TEAD3: variants seen among roughly 807,000 people sequenced by gnomAD.
TEAD3 encodes TEA domain transcription factor 3.
TEAD3 carries 15 observed loss-of-function variants against 55.6 expected under a neutral mutation model. The observed-to-expected ratio is 0.27, with a 90% CI of 0.18 to 0.42. The LOEUF is 0.42. Among genes scored for constraint, TEAD3 ranks in the 10% least tolerant of loss-of-function variants. The probability of loss-of-function intolerance (pLI) is 1.00; values close to 1 mark genes in which losing one functional copy is unlikely to be tolerated. For synonymous variants in TEAD3, 210 were observed against 232.2 expected (o/e 0.90, Z 0.87); for missense variants, 407 against 576.8 (o/e 0.71, Z 3.01).
chr6:35,483,225 G>T lies in TEAD3; in HGVS notation c.267+1335C>A, dbSNP rs900247662. On this transcript the variant is annotated intron_variant, in intron 3 of 12. Coordinates refer to ENST00000639578, the Ensembl canonical transcript of TEAD3. The surrounding 1 kb of genome is among the most constrained non-coding windows in gnomAD (Gnocchi z 4.5). ...TAAATGCTTGAATGAATGAGGGATC[G>T]TTGCCACCCCTACACTGGGTAGGGA... is the stretch of plus-strand genomic sequence containing the variant. 2.6e-5 allele frequency among the ~76,000 whole-genome samples: 4 copies of T among 152,152 alleles called. No individual in the cohort carries two copies. Among genetic ancestry groups the T allele is most frequent in the African/African-American group, 9.7e-5 (4 of 41,424 alleles).
rs559609748 is a variant in TEAD3 at position 35,484,903 on chromosome 6, G to C, written c.203-279C>G. On this transcript the variant is annotated intron_variant, in intron 2 of 12. Coordinates refer to ENST00000639578, the Ensembl canonical transcript of TEAD3. This position sits in a 1 kb window ranked among gnomAD's most constrained non-coding sequence, Gnocchi z 5.8. ...AGGAAGGAGGGCCGAGCAGCACTAG[G>C]CACCCTGACAGGCTTCCCTGCAGAC... is the stretch of plus-strand genomic sequence containing the variant. Among the ~76,000 whole-genome samples, 1 of 152,310 alleles carries C rather than the reference G, an allele frequency of 6.6e-6. No individual in the cohort carries two copies. Among genetic ancestry groups the C allele is most frequent in the Admixed American group, 6.5e-5 (1 of 15,302 alleles).
Position 35,486,420 on chromosome 6 carries a change from G to A in TEAD3, c.202+41C>T. On this transcript the variant is annotated intron_variant, in intron 2 of 12. Coordinates refer to ENST00000639578, the Ensembl canonical transcript of TEAD3. The surrounding 1 kb of genome is among the most constrained non-coding windows in gnomAD (Gnocchi z 7.3). ...GGTTGGGTGAGAGGGCAGAGAGCAGGGGGAAGGGCCGCAGTCCCGCCCGCG... is the reference window on the plus strand; with the variant it reads ...GGTTGGGTGAGAGGGCAGAGAGCAGAGGGAAGGGCCGCAGTCCCGCCCGCG... The A allele has an allele frequency of 1.9e-6, 3 of 1,582,468 alleles. No individual in the cohort carries two copies. The highest frequency in any genetic ancestry group is 2.6e-6 in the Non-Finnish European group (3 of 1,160,936).
In TEAD3 at chr6:35,486,802, C is replaced by T; in HGVS notation, c.-49-91G>A. On this transcript the variant is annotated intron_variant, in intron 1 of 12. Coordinates refer to ENST00000639578, the Ensembl canonical transcript of TEAD3. This position sits in a 1 kb window ranked among gnomAD's most constrained non-coding sequence, Gnocchi z 7.3. ...CAGCCGCTGGCTCTGGAGCTCCGCC[C>T]CCAGCCCCAAGCCCACCCTAGGAGC... 1 of 919,338 alleles carries T rather than the reference C, an allele frequency of 1.1e-6. No individual in the cohort carries two copies. Among genetic ancestry groups the T allele is most frequent in the East Asian group, 2.7e-5 (1 of 37,622 alleles). The allele number at this position is 919,338 out of a possible 1,614,324, so 56.9% of individuals were successfully genotyped here.
intron 1 of TEAD3, among the ~76,000 whole-genome samples, chr6:35,489,767 T>TG (rs1410576554): frequency 6.6e-6 from 1 of 151,754 alleles, no homozygotes; most frequent in African/African-American, 2.4e-5. Flanking sequence ...TAAGGAAATG[T>TG]GGGGGGTGGT....
rs541877191 is a variant in TEAD3, at chr6:35,479,427, C to T, written c.331-111G>A. 6.4e-5 allele frequency: 89 copies of T among 1,393,530 alleles called. No individual in the cohort carries two copies. In the East Asian group the frequency reaches 9.5e-4, roughly 15 times the overall value. The allele number at this position is 1,393,530 out of a possible 1,614,324, so 86.3% of individuals were successfully genotyped here. On this transcript the variant is annotated intron_variant, in intron 4 of 12. Transcript: ENST00000639578. ...CCCAGTGCCCATGGGTTTTAGCTTCCGAGGAGCCCAAGGAAGCTCAGCAGA... is the reference window on the plus strand; with the variant it reads ...CCCAGTGCCCATGGGTTTTAGCTTCTGAGGAGCCCAAGGAAGCTCAGCAGA...
chr6:35,477,330 G>A (rs1768170053), exon 8 of TEAD3: 1 of 1,606,610 alleles, frequency 6.2e-7, no homozygotes, highest in Admixed American at 1.7e-5. Context: ...TCGGCGGCAG[G>A]GGCGGCTGGA....
chr6:35,481,197 G>C (rs1245586686), intron 3 of TEAD3, among the ~76,000 whole-genome samples: 1 of 152,012 alleles, frequency 6.6e-6, no homozygotes, highest in Admixed American at 6.6e-5. Flanking sequence ...AGGCAAACTT[G>C]AGCTAATCAC....
At chr6:35,479,498 C>CCTGG (rs1768224938) in intron 4 of TEAD3, among the ~76,000 whole-genome samples, 182 bp from the exon 5 acceptor site, 1 of 152,204 alleles carries the variant, frequency 6.6e-6, no homozygotes, top group South Asian at 2.1e-4. Flanking sequence ...TGGGGCAAGC[C>CCTGG]CTGGAAAGGG....
rs1243755807 is a variant in TEAD3 at position 35,496,644 on chromosome 6, C to T, written c.-50+254G>A. On this transcript the variant is annotated intron_variant, in intron 1 of 12. Coordinates refer to ENST00000639578, the Ensembl canonical transcript of TEAD3. The surrounding 1 kb of genome is among the most constrained non-coding windows in gnomAD (Gnocchi z 4.8). ...GCGACGGCACAGGGGACACGGTCTC[C>T]CCGGCTTCCCCACCTTCCCGGACCA... 1.3e-5 allele frequency among the ~76,000 whole-genome samples: 2 copies of T among 152,190 alleles called. No individual in the cohort carries two copies. The highest frequency in any genetic ancestry group is 4.8e-5 in the African/African-American group (2 of 41,450).
Position 35,477,213 on chromosome 6 carries a change from A to G in TEAD3, c.592+98T>C. On this transcript the variant is annotated intron_variant, in intron 8 of 12. Transcript: ENST00000639578. ...GTCCCAATCTCCTGTAGATGTCGCA[A>G]CCCCCTCCCTCCCAAAGCAAACACA... The G allele has an allele frequency of 3.8e-6, 5 of 1,320,464 alleles. No individual in the cohort carries two copies. The South Asian group carries it at 6.1e-5, about 16-fold the overall frequency. 81.8% of individuals were successfully genotyped at this position (1,320,464 alleles called of 1,614,324 possible).
At chr6:35,474,372 C>G (rs1360029174), downstream of TEAD3, 3 of 153,016 alleles carry the variant, frequency 2.0e-5, no homozygotes, top group South Asian at 6.2e-4. Context: ...GGCCAGCCCC[C>G]GCCCCAGGGA....
At position 35,487,618 on chromosome 6, in the gene TEAD3, G is replaced by C. The variant is rs553531660; in HGVS notation, c.-49-907C>G. On this transcript the variant is annotated intron_variant, in intron 1 of 12. Transcript: ENST00000639578. ...TACTCCTGCAATCCTAGCTACTCAG[G>C]AGGCTGAGGCACGAAGATCACTTGA... 1.1e-3 allele frequency among the ~76,000 whole-genome samples: 159 copies of C among 151,328 alleles called. 1 individual carries two copies. Among genetic ancestry groups the C allele is most frequent in the Non-Finnish European group, 1.6e-3 (112 of 67,902 alleles).
In TEAD3 at chr6:35,483,536, CACT is replaced by C. The variant is rs1768304262; in HGVS notation, c.267+1021_267+1023del. On this transcript the variant is annotated intron_variant, in intron 3 of 12. Coordinates refer to ENST00000639578, the Ensembl canonical transcript of TEAD3. The surrounding 1 kb of genome is among the most constrained non-coding windows in gnomAD (Gnocchi z 4.5). ...CATCATTTTTCTCCACTCCCACCACCACTACCCTCATCCCAGGCCCTGGCACTG... is the reference window on the plus strand; with the variant it reads ...CATCATTTTTCTCCACTCCCACCACCACCCTCATCCCAGGCCCTGGCACTG... Among the ~76,000 whole-genome samples the C allele has an allele frequency of 6.6e-6, 1 of 152,210 alleles. No homozygotes were observed. The highest frequency in any genetic ancestry group is 2.1e-4 in the South Asian group (1 of 4,834).
intron 8 of TEAD3, 75 bp from the exon 9 acceptor site, chr6:35,476,510 A>T: frequency 6.3e-7 from 1 of 1,579,332 alleles, no homozygotes; most frequent in African/African-American, 1.4e-5. Flanking sequence ...CCCAGCTTGC[A>T]AAGGTGCCCC....
chr6:35,474,879 G>C (rs996822040), downstream of TEAD3: 15 of 609,372 alleles, frequency 2.5e-5, no homozygotes, highest in Admixed American at 1.5e-4. Flanking sequence ...GCGCAGAACA[G>C]TGGCAGGGAG....
intron 7 of TEAD3, among the ~76,000 whole-genome samples, chr6:35,477,839 T>G (rs370578385): frequency 6.7e-6 from 1 of 148,236 alleles, no homozygotes; most frequent in Non-Finnish European, 1.5e-5. Context: ...ACTCTCCAGC[T>G]TTTTTTTTTC....
chr6:35,478,972 T>C (rs1768212871), intron 5 of TEAD3, among the ~76,000 whole-genome samples: 1 of 149,872 alleles, frequency 6.7e-6, no homozygotes, highest in Non-Finnish European at 1.5e-5. Context: ...CTCTGCCTCC[T>C]GAGTTCAAGC....
chr6:35,480,555 C>A (rs1768247005), intron 3 of TEAD3, among the ~76,000 whole-genome samples, 181 bp from the exon 4 acceptor site: 1 of 152,218 alleles, frequency 6.6e-6, no homozygotes, highest in African/African-American at 2.4e-5. Context: ...TCTCAAACTC[C>A]TGGGCTCAAG....
At chr6:35,493,958 C>A (rs1290337260) in intron 1 of TEAD3, among the ~76,000 whole-genome samples, 3 of 152,194 alleles carry the variant, frequency 2.0e-5, no homozygotes, top group Non-Finnish European at 1.5e-5. Flanking sequence ...CATGCAGGTT[C>A]TCAGGTACAG....
Sources: allele counts gnomAD v4.1 joint callset (sites outside exome capture counted in the v4.1 genomes callset), GRCh38; gene constraint gnomAD v4.1.1; non-coding constraint Gnocchi (gnomAD v3.1); transcripts MANE v1.5; gene names NCBI Gene and HGNC (gene_info 2026-07-23, HGNC 2026-07-21).